The following MROH2A variants were observed in gnomAD, a reference collection of about 807,000 sequenced individuals.
MROH2A encodes the protein maestro heat like repeat family member 2A, also known as maestro heat-like repeat-containing protein family member 2A.
Under a neutral mutation model 200.4 loss-of-function variants are expected in MROH2A, and 174 were observed. The ratio of observed to expected loss-of-function variants is 0.87; its 90% CI spans 0.77 to 0.98. MROH2A has a LOEUF of 0.98. MROH2A is among the 50% of genes least tolerant of loss of function. MROH2A has a pLI of 0.00. For missense variants in MROH2A, 2,045 were observed against 2,139.6 expected, an observed-to-expected ratio of 0.96 and a Z score of 0.87; for synonymous variants, 829 against 840.4, an observed-to-expected ratio of 0.99 and a Z score of 0.23.
intron 27 of MROH2A, among the ~76,000 whole-genome samples, chr2:233,817,455 G>C (rs548314239): frequency 3.7e-4 from 56 of 152,232 alleles, no homozygotes; most frequent in Non-Finnish European, 6.8e-4. Flanking sequence ...GGAGGACCCT[G>C]GTCCTGGGCA....
chr2:233,818,882 C>G (rs1703738527), intron 29 of MROH2A, 112 bp downstream of exon 29: 1 of 667,880 alleles, frequency 1.5e-6, no homozygotes, highest in Admixed American at 2.9e-5. Context: ...TTTCTGGGGT[C>G]TCAGCTTCCA....
At chr2:233,787,923 C>T (rs865969856) in intron 3 of MROH2A, among the ~76,000 whole-genome samples, 19 of 17,094 alleles carry the variant, frequency 1.1e-3, no homozygotes, top group African/African-American at 3.8e-3. Flanking sequence ...TATATATATA[C>T]ATATATATTA....
intron 9 of MROH2A, 52 bp downstream of exon 9, chr2:233,795,797 G>A: frequency 6.4e-7 from 1 of 1,550,576 alleles, no homozygotes; most frequent in Non-Finnish European, 8.7e-7. Context: ...TGGATCAGCA[G>A]GAAGCTGGCG....
In MROH2A at chr2:233,799,876, C is replaced by G; in HGVS notation, c.1426C>G (p.Leu476Val). 6.4e-7 allele frequency: 1 copy of G among 1,550,582 alleles called. No homozygotes were observed. Among genetic ancestry groups the G allele is most frequent in the Non-Finnish European group, 8.7e-7 (1 of 1,147,002 alleles). ...GWGLKYLSVQ[L>V]TLSTYKLTNR... ...GGGCCTGAAGTACCTGTCTGTGCAG[C>G]TGACCTTATCCACCTACAAACTGGT... The change falls in exon 13 of 42, where the codon CTG (leucine) becomes GTG (valine). Residue 476 changes from leucine (L) to valine (V), a missense_variant. By Grantham distance (32) the Leu-to-Val change is conservative. Around this residue, in one of 3 missense-constraint regions of MROH2A, gnomAD observed 831 missense variants for 800.0 expected, o/e 1.04. Transcript: ENST00000389758.
rs1703761905 is a variant in MROH2A, at chr2:233,819,193, T to C, written c.3205-124T>C. 2.9e-6 allele frequency: 3 copies of C among 1,023,466 alleles called. No homozygotes were observed. In the South Asian group the frequency reaches 5.1e-5, roughly 17 times the overall value. 63.4% of individuals were successfully genotyped at this position (1,023,466 alleles called of 1,614,324 possible). A position where few individuals can be genotyped will look rare whatever the true frequency, so the allele number is the denominator to read the frequency against. On this transcript the variant is annotated intron_variant, in intron 29 of 41. Coordinates refer to ENST00000389758, the MANE Select transcript of MROH2A (RefSeq NM_001394639.1). ...TCTGGCTCAGCCCAGGAGGAGGCCATGGCCATGGTCTGAGAGAGGATAGGA... is the reference window on the plus strand; with the variant it reads ...TCTGGCTCAGCCCAGGAGGAGGCCACGGCCATGGTCTGAGAGAGGATAGGA...
At chr2:233,829,513 A>G (rs1186812688) in intron 37 of MROH2A, 107 bp from the exon 38 acceptor site, 1 of 1,114,770 alleles carries the variant, frequency 9.0e-7, no homozygotes, top group African/African-American at 1.6e-5. Flanking sequence ...GGAATGATCC[A>G]GAAGGCTCTG....
At chr2:233,782,948 C>T (rs1429205234) in intron 3 of MROH2A, among the ~76,000 whole-genome samples, 1 of 151,966 alleles carries the variant, frequency 6.6e-6, no homozygotes, top group African/African-American at 2.4e-5. Context: ...TTATCAAATA[C>T]TTTTTTTAGC....
chr2:233,828,251 C>T lies in MROH2A; in HGVS notation c.4114-379C>T, dbSNP rs1465468001. ...CACGCATACCAGTGAGGTTTTGGCA[C>T]TCAGAATACTAGGCCATTAGTAATT... On this transcript the variant is annotated intron_variant, in intron 35 of 41. Transcript: ENST00000389758. This position sits in a 1 kb window ranked among gnomAD's most constrained non-coding sequence, Gnocchi z 4.6. 6.6e-6 allele frequency among the ~76,000 whole-genome samples: 1 copy of T among 152,182 alleles called. No homozygotes were observed. Among genetic ancestry groups the T allele is most frequent in the Non-Finnish European group, 1.5e-5 (1 of 68,032 alleles).
chr2:233,819,504 G>A (rs890512236), intron 30 of MROH2A, 35 bp downstream of exon 30: 7 of 1,543,040 alleles, frequency 4.5e-6, no homozygotes, highest in African/African-American at 2.7e-5. Flanking sequence ...CAGAGAGAGG[G>A]GCTGGGGCTG....
chr2:233,818,649 C>G lies in MROH2A; in HGVS notation c.3086-3C>G, dbSNP rs1428903171. 2.0e-6 allele frequency: 3 copies of G among 1,535,136 alleles called. No individual in the cohort carries two copies. Among genetic ancestry groups the G allele is most frequent in the Non-Finnish European group, 2.6e-6 (3 of 1,133,686 alleles). The stretch of plus-strand genomic sequence containing the variant: ...GTCATTTCTGAAGTTGTATTCCCGA[C>G]AGCAAGCCAGACCTGCTCCTTGTGG... On this transcript the variant is annotated splice_polypyrimidine_tract_variant and splice_region_variant and intron_variant, in intron 28 of 41. Transcript: ENST00000389758.
At chr2:233,822,675 G>A (rs1704026044) in intron 33 of MROH2A, 119 bp downstream of exon 33, 2 of 1,214,090 alleles carry the variant, frequency 1.6e-6, no homozygotes, top group East Asian at 2.6e-5. Context: ...GGTGGGATCT[G>A]ATCTTACTCA....
At position 233,802,293 on chromosome 2, in the gene MROH2A, C is replaced by T. The variant is rs752017646; in HGVS notation, c.1686C>T (p.Ser562=). The part of the protein sequence containing the change: ...HQLHGQDVDV[S]VAGKSRQVDL... ...TCCATGGCCAGGATGTGGATGTCAG[C>T]GTGGCTGGCAAGAGCAGGCAAGGTG... Residue 562 remains serine (S), a synonymous_variant, in exon 15 of 42, where the codon AGC becomes AGT. Transcript: ENST00000389758. The T allele has an allele frequency of 5.7e-5, 89 of 1,549,974 alleles. 1 individual carries two copies. The highest frequency in any genetic ancestry group is 2.4e-4 in the South Asian group (20 of 83,986).
intron 23 of MROH2A, 135 bp downstream of exon 23, chr2:233,811,051 T>C: frequency 9.9e-7 from 1 of 1,006,786 alleles, no homozygotes; most frequent in Non-Finnish European, 1.4e-6. Flanking sequence ...CTCTGCTTTG[T>C]CCTAACTGTA....
At chr2:233,777,651 G>A (rs1700749609), upstream of MROH2A, among the ~76,000 whole-genome samples, 1 of 152,240 alleles carries the variant, frequency 6.6e-6, no homozygotes. Flanking sequence ...CACAGGCTGA[G>A]GAACTCCCAT....
At position 233,810,926 on chromosome 2, in the gene MROH2A, G is replaced by A; in HGVS notation, c.2571+10G>A. On this transcript the variant is annotated intron_variant, in intron 23 of 41. Coordinates refer to ENST00000389758, the MANE Select transcript of MROH2A (RefSeq NM_001394639.1). Reference sequence around the variant, plus strand: ...TACCAGCATTATAGTGGTAAGCTGGGTGGGGCACCTCCTTGGTCCTGTTCC... The same window carrying A: ...TACCAGCATTATAGTGGTAAGCTGGATGGGGCACCTCCTTGGTCCTGTTCC... 1 of 1,549,544 alleles carries A rather than the reference G, an allele frequency of 6.5e-7. No individual in the cohort carries two copies. The highest frequency in any genetic ancestry group is 8.7e-7 in the Non-Finnish European group (1 of 1,146,312).
intron 10 of MROH2A, 51 bp from the exon 11 acceptor site, chr2:233,796,149 G>C: frequency 6.6e-7 from 1 of 1,520,274 alleles, no homozygotes; most frequent in Non-Finnish European, 8.9e-7. Flanking sequence ...GCCTTGCTGG[G>C]CCTGCTCTGG....
Position 233,804,548 on chromosome 2 carries a change from G to C in MROH2A, c.1944+1G>C. 1 of 1,551,292 alleles carries C rather than the reference G, an allele frequency of 6.4e-7. No homozygotes were observed. Among genetic ancestry groups the C allele is most frequent in the Non-Finnish European group, 8.7e-7 (1 of 1,147,142 alleles). On this transcript the variant is annotated splice_donor_variant, in intron 18 of 41. Transcript: ENST00000389758. LOFTEE classifies it high-confidence loss of function. ...AGCCTGGGAAGACAAGCTGATTCAG[G>C]TAAACGGGTAACAAGTTTGCTGAGG...
chr2:233,779,310 AC>A, intron 1 of MROH2A, 34 bp from the exon 2 acceptor site: 10 of 1,357,706 alleles, frequency 7.4e-6, no homozygotes, highest in South Asian at 1.2e-5. Context: ...TGTGTGTCAC[AC>A]CCCGTATTTT....
At chr2:233,812,538 G>C (rs1703227471) in intron 24 of MROH2A, among the ~76,000 whole-genome samples, 1 of 152,192 alleles carries the variant, frequency 6.6e-6, no homozygotes, top group Admixed American at 6.5e-5. Context: ...GTTACTTTAA[G>C]CTGCATCAAA....
Sources: gnomAD v4.1 joint callset for allele counts (sites outside exome capture counted in the v4.1 genomes callset) on GRCh38, gnomAD v4.1.1 for gene constraint, gnomAD v4.1.1 regional missense constraint, Gnocchi (gnomAD v3.1) non-coding constraint, MANE v1.5 for transcripts, NCBI Gene and HGNC (gene_info 2026-07-23, HGNC 2026-07-21) for gene names.